MEGF10: variants seen among roughly 807,000 people sequenced by gnomAD.
The protein encoded by MEGF10 is multiple EGF like domains 10.
A neutral mutation model predicts 147.5 loss-of-function variants in MEGF10; 86 were observed. The observed-to-expected ratio is 0.58, with a 90% CI of 0.49 to 0.70. MEGF10 has a LOEUF of 0.70. Ranked by LOEUF, MEGF10 falls within the 30% of genes least tolerant of loss-of-function variation. The probability of loss-of-function intolerance (pLI) is 0.00; values close to 1 mark genes in which losing one functional copy is unlikely to be tolerated. For missense variants in MEGF10, 1,329 were observed against 1,487.3 expected (o/e 0.89, Z 1.75); for synonymous variants, 478 against 525.5 (o/e 0.91, Z 1.24).
At chr5:127,375,991 G>GA in intron 5 of MEGF10, among the ~76,000 whole-genome samples, 1 of 152,296 alleles carries the variant, frequency 6.6e-6, no homozygotes, top group East Asian at 1.9e-4. Context: ...TAGCTTGGGA[G>GA]AAAAATAAAG....
chr5:127,410,955 G>A (rs1279237888), intron 9 of MEGF10, among the ~76,000 whole-genome samples: 2 of 152,112 alleles, frequency 1.3e-5, no homozygotes, highest in Non-Finnish European at 2.9e-5. Flanking sequence ...AAGGAGTTTA[G>A]CCAAATTTAG....
chr5:127,415,054 T>C (rs547156970), intron 9 of MEGF10, among the ~76,000 whole-genome samples: 3 of 151,150 alleles, frequency 2.0e-5, no homozygotes, highest in African/African-American at 4.9e-5. Flanking sequence ...GAATAGCCCA[T>C]GTGGACGCCC....
At position 127,396,614 on chromosome 5, in the gene MEGF10, G is replaced by A. The variant is rs1180847586; in HGVS notation, c.495G>A (p.Gly165=). The change falls in exon 6 of 25, where the codon GGG becomes GGA. Residue 165 remains glycine, a synonymous_variant. Coordinates refer to ENST00000503335, the MANE Select transcript of MEGF10 (RefSeq NM_001256545.2). ...GGGCTCTGTGCAACCCCATCACCGG[G>A]GCTTGCCACTGTGCTGCGGGCTTCC... ...KNGALCNPIT[G]ACHCAAGFRG... The A allele has an allele frequency of 6.2e-7, 1 of 1,613,396 alleles. No individual in the cohort carries two copies.
chr5:127,402,501 C>T, intron 7 of MEGF10, 45 bp from the exon 8 acceptor site: 1 of 1,587,736 alleles, frequency 6.3e-7, no homozygotes, highest in Non-Finnish European at 8.6e-7. Flanking sequence ...GTTGTCTTTC[C>T]CTGGCTGGAG....
At chr5:127,278,295 T>C in the MEGF10 span, among the ~76,000 whole-genome samples, 1,671 of 152,014 alleles carry the variant, frequency 0.011, 22 homozygotes, top group African/African-American at 0.031. Context: ...TGACAATTGG[T>C]TTCAGCAAAT....
At chr5:127,377,182 A>G (rs988763243) in intron 5 of MEGF10, among the ~76,000 whole-genome samples, 16 of 152,170 alleles carry the variant, frequency 1.1e-4, no homozygotes, top group Non-Finnish European at 1.5e-5. Context: ...AGCAATATGT[A>G]TATGCAACTC....
chr5:127,340,681 G>T (rs1279824414), intron 4 of MEGF10, 51 bp downstream of exon 4: 51 of 1,493,420 alleles, frequency 3.4e-5, no homozygotes, highest in Non-Finnish European at 4.7e-5. Context: ...CCCAGTGCTG[G>T]TTTGCTTCCA....
intron 13 of MEGF10, among the ~76,000 whole-genome samples, chr5:127,429,901 G>A (rs1765338774): frequency 6.6e-6 from 1 of 152,126 alleles, no homozygotes; most frequent in Non-Finnish European, 1.5e-5. Flanking sequence ...AACACCAGGG[G>A]GAGGTTCACA....
chr5:127,305,285 C>T (rs1199054251), intron 1 of MEGF10, among the ~76,000 whole-genome samples: 1 of 152,154 alleles, frequency 6.6e-6, no homozygotes, highest in Non-Finnish European at 1.5e-5. Flanking sequence ...AGAGTCTGGA[C>T]AGTTTGTATT....
the MEGF10 span, among the ~76,000 whole-genome samples, chr5:127,255,970 G>A: frequency 6.6e-6 from 1 of 152,142 alleles, no homozygotes; most frequent in Non-Finnish European, 1.5e-5. Context: ...GGGAGGAAAT[G>A]CTACTGCCAC....
chr5:127,380,619 A>G (rs2042943), intron 5 of MEGF10, among the ~76,000 whole-genome samples: 3,154 of 151,744 alleles, frequency 0.021, 55 homozygotes, highest in South Asian at 0.076. Flanking sequence ...CTGGGTTCAA[A>G]CGATTCTCCT....
At chr5:127,447,942 GTC>G (rs536239660) in intron 21 of MEGF10, among the ~76,000 whole-genome samples, 175 of 152,234 alleles carry the variant, frequency 1.1e-3, no homozygotes, top group African/African-American at 3.7e-3. Flanking sequence ...GTGAGTCAAA[GTC>G]TCTCTGTCTC....
At chr5:127,436,685 A>G (rs748516842) in intron 16 of MEGF10, among the ~76,000 whole-genome samples, 2 of 152,240 alleles carry the variant, frequency 1.3e-5, no homozygotes, top group Non-Finnish European at 2.9e-5. Context: ...TGAAAGGAAT[A>G]AAAATAGAAA....
chr5:127,391,104 A>T (rs75691917), intron 5 of MEGF10, among the ~76,000 whole-genome samples: 1 of 49,434 alleles, frequency 2.0e-5, no homozygotes. Flanking sequence ...GCGCGCGCGC[A>T]CACACACACA....
rs554750220 is a variant in MEGF10 at position 127,442,999 on chromosome 5, G to C, written c.2364G>C (p.Lys788Asn). 20 of 1,611,082 alleles carry C rather than the reference G, an allele frequency of 1.2e-5. No individual in the cohort carries two copies. The African/African-American group carries it at 1.6e-4, about 13-fold the overall frequency. Residue 788 changes from lysine to asparagine, a missense_variant and splice_region_variant, in exon 19 of 25, where the codon AAG becomes AAC. Transcript: ENST00000503335. ...CTACATTTGACTTTCCTTCTCTAGAGTGCCCTTCAGGAACATATGGCTATG... is the reference window on the plus strand; with the variant it reads ...CTACATTTGACTTTCCTTCTCTAGACTGCCCTTCAGGAACATATGGCTATG... Reference protein sequence around the residue: ...TGFMGRHCEQKCPSGTYGYGC... With the variant: ...TGFMGRHCEQNCPSGTYGYGC...
intron 8 of MEGF10, among the ~76,000 whole-genome samples, chr5:127,407,787 A>G (rs562626380): frequency 9.9e-5 from 15 of 152,168 alleles, no homozygotes; most frequent in Non-Finnish European, 2.2e-4. Flanking sequence ...AAGACTTTTA[A>G]TGCAGCCAAT....
At chr5:127,372,151 T>TC (rs1013639486) in intron 5 of MEGF10, among the ~76,000 whole-genome samples, 3 of 152,088 alleles carry the variant, frequency 2.0e-5, no homozygotes, top group African/African-American at 7.2e-5. Flanking sequence ...TATTTCCATC[T>TC]CCCCCCTGCT....
rs1237402395 is a variant in MEGF10, at chr5:127,315,180, G to GTTCA, written c.-18-16110_-18-16107dup. Among the ~76,000 whole-genome samples the GTTCA allele has an allele frequency of 7.9e-5, 12 of 152,218 alleles. No homozygotes were observed. In the East Asian group the frequency reaches 2.3e-3, roughly 29 times the overall value. The stretch of plus-strand genomic sequence containing the variant: ...AGTTCAAAAACCTTTAGCTTCCTTA[G>GTTCA]TTCAAATTGCCCTTAAAGAGTTATC... On this transcript the variant is annotated intron_variant, in intron 1 of 24. Coordinates refer to ENST00000503335, the MANE Select transcript of MEGF10 (RefSeq NM_001256545.2).
At chr5:127,414,145 T>G (rs1764669923) in intron 9 of MEGF10, among the ~76,000 whole-genome samples, 1 of 152,226 alleles carries the variant, frequency 6.6e-6, no homozygotes, top group Non-Finnish European at 1.5e-5. Context: ...TATTTGTTTT[T>G]ACTGATCCTG....
Sources: gnomAD v4.1 joint callset for allele counts (sites outside exome capture counted in the v4.1 genomes callset) on GRCh38, gnomAD v4.1.1 for gene constraint, MANE v1.5 for transcripts, NCBI Gene and HGNC (gene_info 2026-07-23, HGNC 2026-07-21) for gene names.